Variants in ASTN1 observed in about 807,000 individuals in gnomAD.
ASTN1 encodes astrotactin-1.
Under a neutral mutation model 140.7 loss-of-function variants are expected in ASTN1, and 41 were observed. The observed-to-expected ratio is 0.29, with a 90% CI of 0.23 to 0.38. The LOEUF is 0.38. Among genes scored for constraint, ASTN1 ranks in the 10% least tolerant of loss-of-function variants. The pLI is 1.00. For synonymous variants in ASTN1, 640 were observed against 652.2 expected (o/e 0.98, Z 0.29); for missense variants, 1,479 against 1,678.8 (o/e 0.88, Z 2.08).
chr1:177,123,230 G>C (rs1188560669), intron 1 of ASTN1, among the ~76,000 whole-genome samples: 1 of 152,110 alleles, frequency 6.6e-6, no homozygotes, highest in African/African-American at 2.4e-5. Flanking sequence ...TCTCAGTACA[G>C]GTGATGGCTT....
chr1:177,122,520 C>T (rs1191335204), intron 1 of ASTN1, among the ~76,000 whole-genome samples: 1 of 152,052 alleles, frequency 6.6e-6, no homozygotes, highest in African/African-American at 2.4e-5. Flanking sequence ...CAAATGGGGA[C>T]CCTCCCTTTT....
chr1:177,000,798 T>G (rs530084023), intron 8 of ASTN1, among the ~76,000 whole-genome samples: 2 of 152,348 alleles, frequency 1.3e-5, no homozygotes, highest in East Asian at 3.9e-4. Flanking sequence ...CCTCTTCAAA[T>G]AATGTAGCCC....
chr1:177,116,350 A>G (rs1681091296), intron 1 of ASTN1, among the ~76,000 whole-genome samples: 1 of 152,200 alleles, frequency 6.6e-6, no homozygotes, highest in Non-Finnish European at 1.5e-5. Flanking sequence ...GTATTATTTT[A>G]TGTGTAGATG....
chr1:177,072,552 T>A (rs946934094), intron 1 of ASTN1, among the ~76,000 whole-genome samples: 1 of 152,154 alleles, frequency 6.6e-6, no homozygotes, highest in Non-Finnish European at 1.5e-5. Context: ...TTAAAAGAAA[T>A]ACAAGGTCAC....
At chr1:176,943,121 T>G (rs983467875) in intron 14 of ASTN1, among the ~76,000 whole-genome samples, 1 of 151,916 alleles carries the variant, frequency 6.6e-6, no homozygotes, top group African/African-American at 2.4e-5. Flanking sequence ...ATTGAACTCA[T>G]GTCTAGTCTT....
chr1:176,928,216 C>A (rs533180284), intron 16 of ASTN1, among the ~76,000 whole-genome samples: 1 of 152,118 alleles, frequency 6.6e-6, no homozygotes, highest in Non-Finnish European at 1.5e-5. Context: ...TAGGAATAGA[C>A]TATCTCTGGA....
intron 8 of ASTN1, among the ~76,000 whole-genome samples, chr1:177,012,400 C>T (rs894924100): frequency 2.6e-5 from 4 of 152,156 alleles, no homozygotes; most frequent in African/African-American, 9.7e-5. Context: ...ACTCCTGGTT[C>T]CATTATCCTC....
chr1:177,162,817 A>G (rs1647463260), intron 1 of ASTN1, among the ~76,000 whole-genome samples: 1 of 152,142 alleles, frequency 6.6e-6, no homozygotes, highest in Non-Finnish European at 1.5e-5. Flanking sequence ...ATAACCCAGT[A>G]ATTGTACATT....
intron 16 of ASTN1, among the ~76,000 whole-genome samples, chr1:176,927,879 G>A (rs1671036551): frequency 6.6e-6 from 1 of 152,034 alleles, no homozygotes; most frequent in African/African-American, 2.4e-5. Flanking sequence ...TTATAACAGT[G>A]GCAGATGCTT....
chr1:176,934,576 A>G (rs1671352039), intron 15 of ASTN1, among the ~76,000 whole-genome samples: 1 of 151,072 alleles, frequency 6.6e-6, no homozygotes, highest in Admixed American at 6.6e-5. Flanking sequence ...TAAGCAAAAC[A>G]TTGCCAAACC....
chr1:177,011,592 TA>T (rs1675292778), intron 8 of ASTN1, among the ~76,000 whole-genome samples: 1 of 146,872 alleles, frequency 6.8e-6, no homozygotes, highest in Admixed American at 6.8e-5. Context: ...AACACACACA[TA>T]CCATACAATC....
Position 176,876,575 on chromosome 1 carries a change from T to G in ASTN1, c.3425A>C (p.Lys1142Thr). Reference sequence around the variant, plus strand: ...ATCATCCACCACGGGGCATGGGGTCTTCACGATCACGTCGCTTGGCCTGGA... The same window carrying G: ...ATCATCCACCACGGGGCATGGGGTCGTCACGATCACGTCGCTTGGCCTGGA... Reference protein sequence around the residue: ...RRSRPSDVIVKTPCPVVDDVK... With the variant: ...RRSRPSDVIVTTPCPVVDDVK... The change falls in exon 21 of 23, where the codon AAG becomes ACG. Residue 1142 changes from lysine to threonine, a missense_variant. Lys to Thr is a moderately conservative substitution (Grantham distance 78). Coordinates refer to ENST00000361833, the MANE Select transcript of ASTN1 (RefSeq NM_004319.3). 6.2e-7 allele frequency: 1 copy of G among 1,614,178 alleles called. No homozygotes were observed. The highest frequency in any genetic ancestry group is 8.5e-7 in the Non-Finnish European group (1 of 1,180,022).
chr1:176,928,242 C>G (rs1160556846), intron 16 of ASTN1, among the ~76,000 whole-genome samples: 2 of 152,202 alleles, frequency 1.3e-5, no homozygotes, highest in South Asian at 4.1e-4. Context: ...AGACAATAAA[C>G]TGGTAGCAGT....
intron 7 of ASTN1, among the ~76,000 whole-genome samples, chr1:177,016,656 G>A (rs1443563221): frequency 6.6e-6 from 1 of 152,194 alleles, no homozygotes; most frequent in East Asian, 1.9e-4. Context: ...AGAAAGCACG[G>A]ATGCTAGACT....
rs1390111368 is a variant in ASTN1, at chr1:176,973,321, T to C, written c.1524-8084A>G. Among the ~76,000 whole-genome samples the C allele has an allele frequency of 2.6e-4, 39 of 152,220 alleles. 1 individual carries two copies. The highest frequency in any genetic ancestry group is 2.6e-3 in the Admixed American group (39 of 15,282). ...TCACCCACCTCATGTATGTTCTTCC[T>C]TCTTTCTTCACATTAAATTATGTCA... On this transcript the variant is annotated intron_variant, in intron 8 of 22. Transcript: ENST00000361833.
At chr1:177,103,585 T>G (rs1291114875) in intron 1 of ASTN1, among the ~76,000 whole-genome samples, 1 of 152,116 alleles carries the variant, frequency 6.6e-6, no homozygotes, top group Non-Finnish European at 1.5e-5. Flanking sequence ...TCAATCATAA[T>G]CATGCAAATA....
intron 16 of ASTN1, among the ~76,000 whole-genome samples, chr1:176,898,850 CT>C (rs1156357431): frequency 6.6e-6 from 1 of 152,200 alleles, no homozygotes; most frequent in Admixed American, 6.5e-5. Context: ...GTTGGAGACA[CT>C]ATGCTGTCTT....
At chr1:177,061,496 C>T (rs1445978176) in intron 1 of ASTN1, among the ~76,000 whole-genome samples, 1 of 152,158 alleles carries the variant, frequency 6.6e-6, no homozygotes, top group African/African-American at 2.4e-5. Flanking sequence ...ATCTAGTGAA[C>T]CAGGCTCTCA....
chr1:176,913,570 TA>T (rs941293359), intron 16 of ASTN1, among the ~76,000 whole-genome samples: 1 of 152,260 alleles, frequency 6.6e-6, no homozygotes, highest in Non-Finnish European at 1.5e-5. Context: ...ACTTTGCATG[TA>T]TTCTGTCAAA....
Sources: gnomAD v4.1 joint callset for allele counts (sites outside exome capture counted in the v4.1 genomes callset) on GRCh38, gnomAD v4.1.1 for gene constraint, MANE v1.5 for transcripts, NCBI Gene and HGNC (gene_info 2026-07-23, HGNC 2026-07-21) for gene names.